Variants in PLXDC1 observed in about 807,000 individuals in gnomAD.
PLXDC1 encodes the protein plexin domain containing 1.
A neutral mutation model predicts 61.3 loss-of-function variants in PLXDC1; 39 were observed. That is an observed-to-expected ratio of 0.64 (90% CI 0.49 to 0.83). The LOEUF (loss-of-function observed/expected upper bound fraction) is 0.83. PLXDC1 is among the 40% of genes least tolerant of loss of function. The pLI is 0.00. For synonymous variants in PLXDC1, 212 were observed against 254.5 expected (o/e 0.83, Z 1.59); for missense variants, 596 against 666.5 (o/e 0.89, Z 1.17).
intron 8 of PLXDC1, among the ~76,000 whole-genome samples, chr17:39,084,444 C>T (rs1218479351): frequency 1.3e-5 from 2 of 152,162 alleles, no homozygotes; most frequent in Non-Finnish European, 2.9e-5. Flanking sequence ...TGCTGTATAC[C>T]TGAAATATGT....
intron 7 of PLXDC1, among the ~76,000 whole-genome samples, chr17:39,100,731 G>A (rs1054780885): frequency 5.9e-5 from 9 of 152,236 alleles, no homozygotes; most frequent in South Asian, 2.1e-4. Context: ...CAGGTGATAC[G>A]GAGATGATTT....
intron 2 of PLXDC1, among the ~76,000 whole-genome samples, chr17:39,128,779 G>A (rs1372234892): frequency 6.6e-6 from 1 of 151,910 alleles, no homozygotes; most frequent in Non-Finnish European, 1.5e-5. Context: ...GGGAGGTCGA[G>A]GTGGGCAGAT....
intron 1 of PLXDC1, among the ~76,000 whole-genome samples, chr17:39,141,929 A>G (rs781445002): frequency 1.3e-5 from 2 of 152,106 alleles, no homozygotes; most frequent in Admixed American, 1.3e-4. Context: ...ACATCTTTTC[A>G]TATGCTTGTG....
chr17:39,147,080 C>G (rs1308316791), intron 1 of PLXDC1, among the ~76,000 whole-genome samples: 1 of 150,884 alleles, frequency 6.6e-6, no homozygotes, highest in Non-Finnish European at 1.5e-5. Context: ...CTCAGCCTCC[C>G]AAGTAGCTGG....
At chr17:39,110,116 ACT>A (rs1014039060) in intron 2 of PLXDC1, among the ~76,000 whole-genome samples, 4 of 143,156 alleles carry the variant, frequency 2.8e-5, no homozygotes, top group East Asian at 2.0e-4. Context: ...ACAGAGCGAG[ACT>A]CTGTCTCAAA....
intron 11 of PLXDC1, among the ~76,000 whole-genome samples, chr17:39,077,348 C>G (rs755744836): frequency 3.9e-5 from 6 of 152,156 alleles, no homozygotes; most frequent in Non-Finnish European, 8.8e-5. Context: ...CAGCTTCAAC[C>G]AAGACCCCCA....
At chr17:39,143,422 G>A (rs1011892682) in intron 1 of PLXDC1, among the ~76,000 whole-genome samples, 8 of 152,178 alleles carry the variant, frequency 5.3e-5, no homozygotes, top group African/African-American at 1.4e-4. Context: ...CTACGTGTGC[G>A]ACTATGTGCC....
intron 1 of PLXDC1, among the ~76,000 whole-genome samples, chr17:39,148,917 T>C (rs2045357254): frequency 6.6e-6 from 1 of 152,104 alleles, no homozygotes; most frequent in South Asian, 2.1e-4. Context: ...GAGGAAGCTG[T>C]CAGGGTCACC....
At chr17:39,119,710 A>G (rs1911098491) in intron 2 of PLXDC1, among the ~76,000 whole-genome samples, 1 of 152,116 alleles carries the variant, frequency 6.6e-6, no homozygotes, top group East Asian at 1.9e-4. Flanking sequence ...GCACCACTGC[A>G]CCCCAGCCTG....
chr17:39,113,065 A>T (rs1322172449), intron 2 of PLXDC1: 1 of 152,190 alleles, frequency 6.6e-6, no homozygotes, highest in African/African-American at 2.4e-5. Flanking sequence ...AAATCCAATG[A>T]CCGGTGTCTT....
chr17:39,100,473 C>T (rs1186871256), intron 7 of PLXDC1, among the ~76,000 whole-genome samples: 1 of 152,180 alleles, frequency 6.6e-6, no homozygotes, highest in East Asian at 1.9e-4. Flanking sequence ...CCAGGCTGGT[C>T]TCAAACTCCT....
At chr17:39,084,662 G>T (rs1020131598) in intron 8 of PLXDC1, among the ~76,000 whole-genome samples, 3 of 152,236 alleles carry the variant, frequency 2.0e-5, no homozygotes, top group African/African-American at 7.2e-5. Context: ...CTACCAGGCT[G>T]CACAGAGTGA....
intron 1 of PLXDC1, among the ~76,000 whole-genome samples, chr17:39,147,291 A>G (rs965184938): frequency 6.6e-6 from 1 of 152,070 alleles, no homozygotes. Context: ...CAGTTTCTTT[A>G]TTTCTTCATG....
intron 7 of PLXDC1, among the ~76,000 whole-genome samples, chr17:39,102,705 T>TACACACACACACACAC (rs553513409): frequency 4.4e-4 from 60 of 136,134 alleles, no homozygotes; most frequent in African/African-American, 1.5e-3. Context: ...TGCTATCAAA[T>TACACACACACACACAC]ACACACACAC....
intron 2 of PLXDC1, among the ~76,000 whole-genome samples, chr17:39,132,850 G>A (rs147657222): frequency 1.3e-5 from 2 of 152,060 alleles, no homozygotes; most frequent in African/African-American, 2.4e-5. Context: ...CAGCCCACCC[G>A]CCAGCCCTCA....
chr17:39,070,102 A>G lies in PLXDC1; in HGVS notation c.1223-86T>C. ...GGGTCTTGGGTTCTAACAAAGTCTC[A>G]GAGATGAAAGCCGACAGAGCCTTTG... On this transcript the variant is annotated intron_variant, in intron 12 of 13. Transcript: ENST00000315392. 3.0e-6 allele frequency: 3 copies of G among 1,010,842 alleles called. 1 individual carries two copies. Among genetic ancestry groups the G allele is most frequent in the South Asian group, 1.6e-5 (1 of 62,066 alleles). 62.6% of individuals were successfully genotyped at this position (1,010,842 alleles called of 1,614,324 possible). A position where few individuals can be genotyped will look rare whatever the true frequency, so the allele number is the denominator to read the frequency against.
chr17:39,121,611 T>C (rs1911162203), intron 2 of PLXDC1, among the ~76,000 whole-genome samples: 1 of 152,212 alleles, frequency 6.6e-6, no homozygotes, highest in Non-Finnish European at 1.5e-5. Flanking sequence ...ATGGGCAGTT[T>C]TGATGGAGGA....
chr17:39,106,648 C>CTTTTTTTTTTTTTTTTT (rs199666120), intron 6 of PLXDC1, among the ~76,000 whole-genome samples: 1 of 122,590 alleles, frequency 8.2e-6, no homozygotes, highest in Non-Finnish European at 1.7e-5. Context: ...TTTTCTTTTT[C>CTTTTTTTTTTTTTTTTT]TTTCTTTTTT....
chr17:39,099,590 T>C (rs891068931), intron 7 of PLXDC1, among the ~76,000 whole-genome samples: 2 of 151,644 alleles, frequency 1.3e-5, no homozygotes, highest in African/African-American at 2.4e-5. Flanking sequence ...TTCCCCTGGG[T>C]GGAATGGGAG....
Sources: allele counts gnomAD v4.1 joint callset (sites outside exome capture counted in the v4.1 genomes callset), GRCh38; gene constraint gnomAD v4.1.1; transcripts MANE v1.5; gene names NCBI Gene and HGNC (gene_info 2026-07-23, HGNC 2026-07-21).